DNAH10: variants seen among roughly 807,000 people sequenced by gnomAD.
The protein encoded by DNAH10 is axonemal beta dynein heavy chain 10.
Under a neutral mutation model 506.6 loss-of-function variants are expected in DNAH10, and 348 were observed. That is an observed-to-expected ratio of 0.69 (90% CI 0.63 to 0.75). The LOEUF (loss-of-function observed/expected upper bound fraction) is 0.75, where lower values mean the gene tolerates loss of function less well. DNAH10 is among the 30% of genes least tolerant of loss of function. DNAH10 has a pLI of 0.00. For missense variants in DNAH10, 5,179 were observed against 5,787.1 expected (o/e 0.89, Z 3.41); for synonymous variants, 2,059 against 2,198.6 (o/e 0.94, Z 1.78).
In DNAH10 at chr12:123,838,449, G is replaced by A; in HGVS notation, c.4903-7G>A. ...CTGCTTGACGGCTGTCCTCTGTTCT[G>A]GTCCAGATCATGGGTGAGACCTTAA... On this transcript the variant is annotated splice_polypyrimidine_tract_variant and splice_region_variant and intron_variant, in intron 28 of 78. Transcript: ENST00000673944. The A allele has an allele frequency of 6.2e-7, 1 of 1,610,582 alleles. No individual in the cohort carries two copies. The highest frequency in any genetic ancestry group is 8.5e-7 in the Non-Finnish European group (1 of 1,178,100).
In DNAH10 at chr12:123,935,613, C is replaced by A. The variant is rs1419368688; in HGVS notation, c.*132C>A. On this transcript the variant is annotated 3_prime_UTR_variant, in exon 79 of 79. Transcript: ENST00000673944. ...ACACTGATTTTTCATTTGAAATCAG[C>A]CACTTAAATCTCTTTCCATACAAAT... 5.2e-6 allele frequency: 5 copies of A among 957,810 alleles called. No individual in the cohort carries two copies. Among genetic ancestry groups the A allele is most frequent in the East Asian group, 4.9e-5 (2 of 40,838 alleles). The allele number at this position is 957,810 out of a possible 1,614,324, so 59.3% of individuals were successfully genotyped here.
intron 57 of DNAH10, among the ~76,000 whole-genome samples, chr12:123,906,564 G>T (rs750718655): frequency 2.0e-5 from 3 of 152,172 alleles, no homozygotes; most frequent in African/African-American, 7.2e-5. Flanking sequence ...TTTGGATATT[G>T]TGTCCTAGTT....
chr12:123,914,285 C>A, intron 60 of DNAH10, 44 bp from the exon 61 acceptor site: 1 of 1,555,532 alleles, frequency 6.4e-7, no homozygotes, highest in Non-Finnish European at 8.7e-7. Flanking sequence ...TTGGTTGTGG[C>A]CAGAAGGTAA....
At chr12:123,924,553 C>A in intron 67 of DNAH10, 121 bp downstream of exon 67, 1 of 1,248,260 alleles carries the variant, frequency 8.0e-7, no homozygotes, top group Non-Finnish European at 1.1e-6. Context: ...CAGTGTGTAA[C>A]TGATGCCCTG....
At chr12:123,933,612 G>C in intron 77 of DNAH10, 101 bp downstream of exon 77, 5 of 1,363,784 alleles carry the variant, frequency 3.7e-6, no homozygotes, top group South Asian at 3.0e-5. Context: ...GCCTAAATGG[G>C]CCAGGCCATG....
rs113007366 is a variant in DNAH10, at chr12:123,920,149, A to G, written c.11506+1200A>G. ...AGAGAATAGTGTCGTGATCGTCTGC[A>G]CAGCCCTCACCTGGCAATGATTAGC... On this transcript the variant is annotated intron_variant, in intron 65 of 78. Transcript: ENST00000673944. Among the ~76,000 whole-genome samples, 250 of 152,342 alleles carry G rather than the reference A, an allele frequency of 1.6e-3. 1 individual carries two copies. Among genetic ancestry groups the G allele is most frequent in the Non-Finnish European group, 3.0e-3 (207 of 68,032 alleles).
chr12:123,800,077 C>A (rs1958425720), intron 14 of DNAH10, 139 bp from the exon 15 acceptor site: 1 of 659,354 alleles, frequency 1.5e-6, no homozygotes, highest in Non-Finnish European at 2.4e-6. Flanking sequence ...ATACATATTC[C>A]AGCCAGTTCC....
intron 21 of DNAH10, among the ~76,000 whole-genome samples, chr12:123,816,434 G>C (rs1182103446): frequency 1.3e-5 from 2 of 152,220 alleles, no homozygotes; most frequent in Non-Finnish European, 2.9e-5. Flanking sequence ...ATCCCTAAAT[G>C]ATGGGATTTG....
intron 65 of DNAH10, among the ~76,000 whole-genome samples, chr12:123,921,407 G>T (rs1954715827): frequency 6.6e-6 from 1 of 152,238 alleles, no homozygotes; most frequent in African/African-American, 2.4e-5. Context: ...CAGAGACCCT[G>T]CTTTATCTTT....
intron 16 of DNAH10, among the ~76,000 whole-genome samples, chr12:123,803,333 G>C (rs1958541791): frequency 6.6e-6 from 1 of 152,190 alleles, no homozygotes; most frequent in South Asian, 2.1e-4. Context: ...CTGCGGGCAG[G>C]TGGTGCAGAG....
intron 5 of DNAH10, 67 bp from the exon 6 acceptor site, chr12:123,781,013 G>T: frequency 8.2e-7 from 1 of 1,226,088 alleles, no homozygotes; most frequent in Admixed American, 2.6e-5. Flanking sequence ...AAAACCAGAG[G>T]CAATTTGAAT....
intron 74 of DNAH10, 24 bp downstream of exon 74, chr12:123,931,496 C>A: frequency 6.2e-7 from 1 of 1,611,256 alleles, no homozygotes; most frequent in Non-Finnish European, 8.5e-7. Flanking sequence ...AGGAGGACTT[C>A]ATTAGTTTGA....
chr12:123,776,586 TGGTCATGCCAC>T (rs1396536896), intron 5 of DNAH10, among the ~76,000 whole-genome samples: 1 of 150,814 alleles, frequency 6.6e-6, no homozygotes, highest in African/African-American at 2.4e-5. Flanking sequence ...CAGAGTATGG[TGGTCATGCCAC>T]TGCACTACAG....
In DNAH10 at chr12:123,929,734, G is replaced by A; in HGVS notation, c.12587G>A (p.Gly4196Asp). The A allele has an allele frequency of 1.2e-6, 2 of 1,613,056 alleles. No individual in the cohort carries two copies. The highest frequency in any genetic ancestry group is 1.7e-6 in the Non-Finnish European group (2 of 1,179,584). ...FQQRDPRIPW[G>D]SLKYLIGEVM... ...CAACGGGACCCAAGGATCCCGTGGGGCAGCCTCAAGTACCTAATTGGAGAG... is the reference window on the plus strand; with the variant it reads ...CAACGGGACCCAAGGATCCCGTGGGACAGCCTCAAGTACCTAATTGGAGAG... The change falls in exon 72 of 79, where the codon GGC becomes GAC. Residue 4196 changes from glycine to aspartate, a missense_variant. Gly to Asp is a moderately conservative substitution (Grantham distance 94). Around this residue, in one of 3 missense-constraint regions of DNAH10, gnomAD observed 4,844 missense variants for 5,430.5 expected, o/e 0.89. Transcript: ENST00000673944.
At position 123,928,998 on chromosome 12, in the gene DNAH10, G is replaced by A. The variant is rs1043256004; in HGVS notation, c.12307-277G>A. The A allele has an allele frequency of 3.9e-5, 21 of 540,470 alleles. No individual in the cohort carries two copies. Among genetic ancestry groups the A allele is most frequent in the African/African-American group, 3.8e-4 (20 of 52,702 alleles). The allele number at this position is 540,470 out of a possible 1,614,324, so 33.5% of individuals were successfully genotyped here. A position where few individuals can be genotyped will look rare whatever the true frequency, so the allele number is the denominator to read the frequency against. Reference sequence around the variant, plus strand: ...TCTCTGTCTCTCTCTCTCTCTCTGGGGAGGTGGAGGGAAGACTTTACTTTC... The same window carrying A: ...TCTCTGTCTCTCTCTCTCTCTCTGGAGAGGTGGAGGGAAGACTTTACTTTC... On this transcript the variant is annotated intron_variant, in intron 70 of 78. Coordinates refer to ENST00000673944, the MANE Select transcript of DNAH10 (RefSeq NM_001372106.1). This position sits in a 1 kb window ranked among gnomAD's most constrained non-coding sequence, Gnocchi z 4.9.
Position 123,852,252 on chromosome 12 carries a change from CA to C in DNAH10, c.6292-949del, listed in dbSNP as rs1454219432. ...CAATGCCTTTGAGAATATGTAGATTCAAAAACAACTTTATGGATAACTTTTA... is the reference window on the plus strand; with the variant it reads ...CAATGCCTTTGAGAATATGTAGATTCAAAACAACTTTATGGATAACTTTTA... On this transcript the variant is annotated intron_variant, in intron 35 of 78. Coordinates refer to ENST00000673944, the MANE Select transcript of DNAH10 (RefSeq NM_001372106.1). 4.6e-5 allele frequency among the ~76,000 whole-genome samples: 7 copies of C among 152,300 alleles called. No homozygotes were observed. The East Asian group carries it at 1.3e-3, about 29-fold the overall frequency.
At position 123,804,829 on chromosome 12, in the gene DNAH10, C is replaced by A. The variant is rs371700472; in HGVS notation, c.2780-4C>A. 3.7e-6 allele frequency: 6 copies of A among 1,608,234 alleles called. No individual in the cohort carries two copies. Among genetic ancestry groups the A allele is most frequent in the African/African-American group, 2.7e-5 (2 of 74,720 alleles). On this transcript the variant is annotated splice_region_variant and splice_polypyrimidine_tract_variant and intron_variant, in intron 17 of 78. Coordinates refer to ENST00000673944, the MANE Select transcript of DNAH10 (RefSeq NM_001372106.1). ...ACAGCTCTAACAGACATCTTTCTCT[C>A]CAGGCGTGAAGGAATTTTTTGAACA...
chr12:123,880,434 G>A (rs1466454693), intron 50 of DNAH10, among the ~76,000 whole-genome samples: 1 of 152,054 alleles, frequency 6.6e-6, no homozygotes, highest in African/African-American at 2.4e-5. Flanking sequence ...CAACCTCCTG[G>A]GCTCAAGTGA....
At chr12:123,826,619 A>C in intron 24 of DNAH10, 68 bp from the exon 25 acceptor site, 2 of 1,426,698 alleles carry the variant, frequency 1.4e-6, no homozygotes, top group Non-Finnish European at 1.9e-6. Context: ...AAGAGTCAAG[A>C]ACTTGCTCTC....
Sources: gnomAD v4.1 joint callset for allele counts (sites outside exome capture counted in the v4.1 genomes callset) on GRCh38, gnomAD v4.1.1 for gene constraint, gnomAD v4.1.1 regional missense constraint, Gnocchi (gnomAD v3.1) non-coding constraint, MANE v1.5 for transcripts, NCBI Gene and HGNC (gene_info 2026-07-23, HGNC 2026-07-21) for gene names.